The following ANK2 variants were observed in gnomAD, a reference collection of about 807,000 sequenced individuals.
ANK2 encodes the protein ankyrin 2.
A neutral mutation model predicts 360.5 loss-of-function variants in ANK2; 83 were observed. That is an observed-to-expected ratio of 0.23 (90% confidence interval 0.19 to 0.28). The LOEUF (loss-of-function observed/expected upper bound fraction) is 0.28, where lower values mean the gene tolerates loss of function less well. ANK2 is among the 10% of genes least tolerant of loss of function. The pLI, the probability that ANK2 is intolerant of heterozygous loss-of-function variation, is 1.00. For synonymous variants in ANK2, 1,740 were observed against 1,759.5 expected (o/e 0.99, Z 0.28); for missense variants, 4,201 against 4,795.7 (o/e 0.88, Z 3.66).
In ANK2 at chr4:113,323,745, C is replaced by G. The variant is rs779697542; in HGVS notation, c.2900+5125C>G. 5.0e-5 allele frequency: 81 copies of G among 1,609,968 alleles called. No individual in the cohort carries two copies. The East Asian group carries it at 1.2e-3, about 25-fold the overall frequency. Reference sequence around the variant, plus strand: ...CCGTTCCTTCTCTGTGCTAAAGTATCTATTCTGTTGCAGCCGCGCCTCTCC... The same window carrying G: ...CCGTTCCTTCTCTGTGCTAAAGTATGTATTCTGTTGCAGCCGCGCCTCTCC... On this transcript the variant is annotated intron_variant, in intron 26 of 45. Transcript: ENST00000357077.
At chr4:112,848,348 G>T (rs183276369) in intron 1 of ANK2, among the ~76,000 whole-genome samples, 59 of 152,246 alleles carry the variant, frequency 3.9e-4, no homozygotes, top group African/African-American at 1.3e-3. Context: ...TTTTGGTAGA[G>T]ACAGGGTTTC....
At chr4:112,725,179 G>T in the ANK2 span, among the ~76,000 whole-genome samples, 3 of 150,582 alleles carry the variant, frequency 2.0e-5, no homozygotes, top group Admixed American at 2.0e-4. Flanking sequence ...CTACTCGGGA[G>T]GCTGAGGCAG....
chr4:113,356,980 C>G lies in ANK2; in HGVS notation c.8362C>G (p.Pro2788Ala), dbSNP rs1195125634. ...CATGAGTCCTAGCAGCTCAGCTGCT[C>G]CTGTCTCTTCAGGTCTACAGAGTCC... ...EAMSPSSSAA[P>A]VSSGLQSPTG... The change falls in exon 38 of 46, where the codon CCT becomes GCT. Residue 2788 changes from proline (P) to alanine (A), a missense_variant. Around this residue, in one of 4 missense-constraint regions of ANK2, gnomAD observed 2,642 missense variants for 2,714.5 expected, o/e 0.97. Coordinates refer to ENST00000357077, the MANE Select transcript of ANK2 (RefSeq NM_001148.6). 2 of 1,614,036 alleles carry G rather than the reference C, an allele frequency of 1.2e-6. No individual in the cohort carries two copies. The highest frequency in any genetic ancestry group is 1.7e-6 in the Non-Finnish European group (2 of 1,179,972).
intron 2 of ANK2, among the ~76,000 whole-genome samples, chr4:113,003,817 A>C (rs564231013): frequency 2.6e-4 from 39 of 152,358 alleles, no homozygotes; most frequent in African/African-American, 9.1e-4. Flanking sequence ...TACTTACACA[A>C]ACCTAGATGG....
the ANK2 span, among the ~76,000 whole-genome samples, chr4:112,746,661 T>A: frequency 3.0e-4 from 46 of 152,328 alleles, no homozygotes; most frequent in African/African-American, 1.1e-3. Context: ...TAGTGTTAAA[T>A]AAAATTTGGT....
chr4:113,166,705 A>G (rs1399439320), intron 1 of ANK2, among the ~76,000 whole-genome samples: 2 of 152,088 alleles, frequency 1.3e-5, no homozygotes, highest in African/African-American at 4.8e-5. Context: ...CCATAAAAAA[A>G]TGAGTATTCA....
At chr4:113,099,319 T>A (rs955035431) in intron 1 of ANK2, among the ~76,000 whole-genome samples, 4 of 151,898 alleles carry the variant, frequency 2.6e-5, no homozygotes, top group African/African-American at 9.7e-5. Context: ...GATCACAGGA[T>A]ACAAGGTTAA....
In ANK2 at chr4:113,365,507, A is replaced by G. The variant is rs372223736; in HGVS notation, c.11032+325A>G. Among the ~76,000 whole-genome samples, 12 of 152,180 alleles carry G rather than the reference A, an allele frequency of 7.9e-5. No homozygotes were observed. The East Asian group carries it at 1.5e-3, about 20-fold the overall frequency. ...ACCTTAGCCACGTATTTCTAGGCTC[A>G]CAACTAGGACTATATCACTACCAGT... On this transcript the variant is annotated intron_variant, in intron 41 of 45. Coordinates refer to ENST00000357077, the MANE Select transcript of ANK2 (RefSeq NM_001148.6).
rs746480967 is a variant in ANK2, at chr4:113,341,935, T to C, written c.4122+19T>C. 6.5e-7 allele frequency: 1 copy of C among 1,548,668 alleles called. No homozygotes were observed. Among genetic ancestry groups the C allele is most frequent in the South Asian group, 1.1e-5 (1 of 89,782 alleles). ...TGTGGAGGTACTGTACCAAAAATAA[T>C]AATAATAATTTATGCCATGTTGTTA... On this transcript the variant is annotated intron_variant, in intron 33 of 45. Transcript: ENST00000357077.
the ANK2 span, among the ~76,000 whole-genome samples, chr4:112,776,085 G>A: frequency 1.3e-5 from 2 of 152,136 alleles, no homozygotes; most frequent in Non-Finnish European, 2.9e-5. Context: ...ACTAAGGGTA[G>A]GATTTGGGGG....
chr4:112,996,593 T>C (rs1578616852), intron 2 of ANK2, among the ~76,000 whole-genome samples: 1 of 152,094 alleles, frequency 6.6e-6, no homozygotes, highest in East Asian at 1.9e-4. Context: ...TGATTCATTT[T>C]TGATATTTAA....
At chr4:113,022,926 T>A (rs753396292) in intron 2 of ANK2, among the ~76,000 whole-genome samples, 4 of 152,146 alleles carry the variant, frequency 2.6e-5, no homozygotes, top group Admixed American at 6.5e-5. Flanking sequence ...ATGTTTGGAT[T>A]GATTTTTTTT....
intron 1 of ANK2, among the ~76,000 whole-genome samples, chr4:112,843,159 G>A (rs1326330700): frequency 1.3e-5 from 2 of 152,106 alleles, no homozygotes; most frequent in South Asian, 2.1e-4. Context: ...GCAAAGTCCC[G>A]TTTGCCGTAT....
At chr4:113,209,281 G>A (rs1452920203) in intron 4 of ANK2, among the ~76,000 whole-genome samples, 1 of 151,748 alleles carries the variant, frequency 6.6e-6, no homozygotes, top group Non-Finnish European at 1.5e-5. Flanking sequence ...GAAAATAGAT[G>A]GTGAATGTTT....
the ANK2 span, among the ~76,000 whole-genome samples, chr4:112,772,314 G>A: frequency 3.3e-5 from 5 of 152,260 alleles, no homozygotes; most frequent in South Asian, 2.1e-4. Context: ...ATCAGATCTC[G>A]TGAGACTTAT....
chr4:112,902,012 G>C (rs1019073067), intron 1 of ANK2, among the ~76,000 whole-genome samples: 4 of 152,184 alleles, frequency 2.6e-5, no homozygotes, highest in African/African-American at 9.7e-5. Flanking sequence ...ACTGAGCTAA[G>C]CACAAGACAC....
In ANK2 at chr4:113,191,821, A is replaced by G. The variant is rs143741475; in HGVS notation, c.187-4547A>G. On this transcript the variant is annotated intron_variant, in intron 2 of 45. Coordinates refer to ENST00000357077, the MANE Select transcript of ANK2 (RefSeq NM_001148.6). ...TACTATTGAAGAAACCTTAAATCCT[A>G]TTGTTTAGGACTGGAGAGACAGCAC... Among the ~76,000 whole-genome samples, 689 of 152,238 alleles carry G rather than the reference A, an allele frequency of 4.5e-3. 5 individuals carry two copies. The highest frequency in any genetic ancestry group is 0.034 in the Middle Eastern group (10 of 294).
At chr4:112,877,530 C>T (rs540412912) in intron 1 of ANK2, among the ~76,000 whole-genome samples, 1 of 152,150 alleles carries the variant, frequency 6.6e-6, no homozygotes, top group Non-Finnish European at 1.5e-5. Context: ...TCTCTCTTTT[C>T]TTGCTCAGTC....
At chr4:113,195,811 A>T (rs1458994145) in intron 2 of ANK2, among the ~76,000 whole-genome samples, 1 of 152,042 alleles carries the variant, frequency 6.6e-6, no homozygotes, top group Non-Finnish European at 1.5e-5. Context: ...AATCATATTA[A>T]TTTTCTTCTA....
Sources: gnomAD v4.1 joint callset for allele counts (sites outside exome capture counted in the v4.1 genomes callset) on GRCh38, gnomAD v4.1.1 for gene constraint, gnomAD v4.1.1 regional missense constraint, MANE v1.5 for transcripts, NCBI Gene and HGNC (gene_info 2026-07-23, HGNC 2026-07-21) for gene names.